COA1: variants seen among roughly 807,000 people sequenced by gnomAD.
COA1 encodes the protein cytochrome c oxidase assembly factor 1.
In COA1, 13 loss-of-function variants were observed where a neutral mutation model predicts 16.0. The ratio of observed to expected loss-of-function variants is 0.81; its 90% CI spans 0.53 to 1.29. COA1 has a LOEUF of 1.29. COA1 is among the 50% of genes most tolerant of loss of function. The pLI, the probability that COA1 is intolerant of heterozygous loss-of-function variation, is 0.00. For missense variants in COA1, 179 were observed against 177.0 expected (o/e 1.01, Z -0.06); for synonymous variants, 65 against 65.7 (o/e 0.99, Z 0.05).
chr7:43,717,020 T>C (rs910054725), intron 1 of COA1, among the ~76,000 whole-genome samples: 1 of 152,102 alleles, frequency 6.6e-6, no homozygotes, highest in African/African-American at 2.4e-5. Context: ...TCAGAAGATG[T>C]ATGGAAATGT....
At chr7:43,671,235 G>A (rs1232150797) in intron 1 of COA1, among the ~76,000 whole-genome samples, 1 of 151,740 alleles carries the variant, frequency 6.6e-6, no homozygotes, top group Non-Finnish European at 1.5e-5. Flanking sequence ...ATCGTTCCTT[G>A]ATATAACACC....
intron 3 of COA1, chr7:43,646,568 G>A (rs999175286): frequency 1.5e-5 from 7 of 456,696 alleles, no homozygotes; most frequent in Admixed American, 4.7e-5. Context: ...AGGTCTCACC[G>A]ACTTAGCAGC....
downstream of COA1, among the ~76,000 whole-genome samples, chr7:43,635,289 G>C (rs1454884620): frequency 2.0e-5 from 3 of 152,086 alleles, no homozygotes; most frequent in Non-Finnish European, 4.4e-5. Context: ...TCCCGATATT[G>C]AACCACCTTT....
At chr7:43,672,542 CG>C (rs945355615) in intron 1 of COA1, among the ~76,000 whole-genome samples, 1 of 152,144 alleles carries the variant, frequency 6.6e-6, no homozygotes, top group African/African-American at 2.4e-5. Context: ...GAGGCCAAGG[CG>C]GGCAGATCAC....
At chr7:43,614,054 A>G (rs1195248303) in intron 6 of COA1, among the ~76,000 whole-genome samples, 1 of 152,202 alleles carries the variant, frequency 6.6e-6, no homozygotes, top group Non-Finnish European at 1.5e-5. Flanking sequence ...AATAGTTAAT[A>G]TACTAGAACT....
At chr7:43,616,625 C>T (rs184385488) in intron 6 of COA1, among the ~76,000 whole-genome samples, 5 of 152,130 alleles carry the variant, frequency 3.3e-5, no homozygotes, top group East Asian at 1.9e-4. Context: ...TGGCCGGGCG[C>T]GGTGGCTCAC....
At chr7:43,618,245 G>T (rs572963184) in intron 6 of COA1, among the ~76,000 whole-genome samples, 1 of 152,304 alleles carries the variant, frequency 6.6e-6, no homozygotes, top group South Asian at 2.1e-4. Flanking sequence ...AGCAGGGGAG[G>T]CCAGGGCAGG....
chr7:43,648,207 G>C (rs930281467), intron 2 of COA1: 2 of 289,438 alleles, frequency 6.9e-6, no homozygotes, highest in Admixed American at 9.0e-5. Context: ...ATATGTAAGA[G>C]TATCAAAATG....
chr7:43,728,309 A>G (rs1224896674), intron 1 of COA1, among the ~76,000 whole-genome samples: 1 of 151,876 alleles, frequency 6.6e-6, no homozygotes, highest in Non-Finnish European at 1.5e-5. Context: ...ACTATGTGTC[A>G]GGAAGCTGTT....
intron 4 of COA1, among the ~76,000 whole-genome samples, chr7:43,642,541 A>G (rs1411077437): frequency 1.3e-5 from 2 of 152,224 alleles, no homozygotes; most frequent in Non-Finnish European, 2.9e-5. Flanking sequence ...ATTAAGCAAC[A>G]GAGTATACAC....
At chr7:43,655,821 C>A (rs574115013) in intron 1 of COA1, among the ~76,000 whole-genome samples, 1 of 152,294 alleles carries the variant, frequency 6.6e-6, no homozygotes, top group East Asian at 1.9e-4. Flanking sequence ...CTGTTCCATG[C>A]CTCCACTTTA....
At chr7:43,616,846 G>A (rs1417059018) in intron 6 of COA1, among the ~76,000 whole-genome samples, 3 of 152,162 alleles carry the variant, frequency 2.0e-5, no homozygotes, top group African/African-American at 7.2e-5. Flanking sequence ...GCAGTAAGCC[G>A]AGATCGCGCC....
intron 1 of COA1, among the ~76,000 whole-genome samples, chr7:43,709,592 T>G (rs1248789528): frequency 6.6e-6 from 1 of 152,202 alleles, no homozygotes; most frequent in East Asian, 1.9e-4. Context: ...CATGTCTATT[T>G]CTGTATTACT....
chr7:43,724,651 A>C (rs2095577080), intron 1 of COA1, among the ~76,000 whole-genome samples: 1 of 152,240 alleles, frequency 6.6e-6, no homozygotes, highest in East Asian at 1.9e-4. Flanking sequence ...GCAACAACCC[A>C]AATATCTATC....
Position 43,644,757 on chromosome 7 carries a change from G to GGC in COA1, c.264+493_264+494insGC, listed in dbSNP as rs2088491538. ...AGATAGATAGATAGATAGATAGATA[G>GGC]ATAGGCAGGCAGGCAGGCAGGCAGG... On this transcript the variant is annotated intron_variant, in intron 4 of 5. Coordinates refer to ENST00000223336, the MANE Select transcript of COA1 (RefSeq NM_018224.4). Among the ~76,000 whole-genome samples, 3 of 93,134 alleles carry GGC rather than the reference G, an allele frequency of 3.2e-5. No homozygotes were observed. In the Admixed American group the frequency reaches 3.6e-4, roughly 11 times the overall value. The allele number at this position is 93,134 out of a possible 152,430, so 61.1% of individuals were successfully genotyped here.
intron 6 of COA1, chr7:43,623,941 T>C (rs964860402): frequency 1.6e-6 from 2 of 1,258,674 alleles, no homozygotes; most frequent in Non-Finnish European, 1.0e-6. Context: ...ATTAAAAAAT[T>C]CAGTATTAAA....
At chr7:43,701,705 C>G (rs1295467304) in intron 1 of COA1, among the ~76,000 whole-genome samples, 1 of 152,202 alleles carries the variant, frequency 6.6e-6, no homozygotes, top group Non-Finnish European at 1.5e-5. Context: ...TTAACTCCCA[C>G]CAGCAGTGTA....
At chr7:43,630,932 G>T (rs928651638) in intron 6 of COA1, among the ~76,000 whole-genome samples, 6 of 151,972 alleles carry the variant, frequency 3.9e-5, no homozygotes, top group Non-Finnish European at 5.9e-5. Context: ...AACCTGCTAC[G>T]TACATTGAGA....
At chr7:43,676,331 A>C (rs1034341787) in intron 1 of COA1, among the ~76,000 whole-genome samples, 1 of 152,312 alleles carries the variant, frequency 6.6e-6, no homozygotes, top group Admixed American at 6.5e-5. Flanking sequence ...CACAATAGCC[A>C]AGATATGGAA....
Sources: allele counts gnomAD v4.1 joint callset (sites outside exome capture counted in the v4.1 genomes callset), GRCh38; gene constraint gnomAD v4.1.1; transcripts MANE v1.5; gene names NCBI Gene and HGNC (gene_info 2026-07-23, HGNC 2026-07-21).